Variants in RABGAP1L observed in about 807,000 individuals in gnomAD.
RABGAP1L encodes rab GTPase-activating protein 1-like.
A neutral mutation model predicts 137.7 loss-of-function variants in RABGAP1L; 63 were observed. That is an observed-to-expected ratio of 0.46 (90% CI 0.37 to 0.56). The LOEUF (loss-of-function observed/expected upper bound fraction) is 0.56. Among genes scored for constraint, RABGAP1L ranks in the 20% least tolerant of loss-of-function variants. RABGAP1L has a pLI of 0.00. For synonymous variants in RABGAP1L, 431 were observed against 433.7 expected (o/e 0.99, Z 0.08); for missense variants, 1,095 against 1,244.0 (o/e 0.88, Z 1.80).
rs186151270 is a variant in RABGAP1L, at chr1:174,873,656, G to A, written c.2340+61696G>A. On this transcript the variant is annotated intron_variant, in intron 19 of 25. Transcript: ENST00000681986. Reference sequence around the variant, plus strand: ...CTCCTGAGTAGCTGGGTCTACAGGCGCGCGCCACCACGCCTGGCTAATTTT... The same window carrying A: ...CTCCTGAGTAGCTGGGTCTACAGGCACGCGCCACCACGCCTGGCTAATTTT... Among the ~76,000 whole-genome samples the A allele has an allele frequency of 3.8e-4, 58 of 151,386 alleles. No individual in the cohort carries two copies. The East Asian group carries it at 7.9e-3, about 21-fold the overall frequency.
intron 1 of RABGAP1L, among the ~76,000 whole-genome samples, chr1:174,181,751 G>A (rs1666388227): frequency 1.3e-5 from 2 of 152,180 alleles, no homozygotes; most frequent in Admixed American, 6.6e-5. Flanking sequence ...TGTGAAGAGA[G>A]AGTATGTGTG....
intron 20 of RABGAP1L, chr1:174,957,781 C>G (rs1385631010): frequency 5.9e-6 from 5 of 843,994 alleles, no homozygotes; most frequent in Admixed American, 4.3e-5. Flanking sequence ...TCAATTCCCT[C>G]TGTTCTTCCT....
intron 13 of RABGAP1L, among the ~76,000 whole-genome samples, chr1:174,599,382 T>C (rs1044293244): frequency 6.6e-6 from 1 of 152,248 alleles, no homozygotes; most frequent in African/African-American, 2.4e-5. Context: ...AGACCACTGT[T>C]ACAGTGTTAT....
At chr1:174,662,102 CTTTTT>C (rs749496325) in intron 14 of RABGAP1L, among the ~76,000 whole-genome samples, 2 of 90,272 alleles carry the variant, frequency 2.2e-5, no homozygotes, top group African/African-American at 1.2e-4. Context: ...CTTTTCTTTT[CTTTTT>C]TTTTTTTTTT....
chr1:174,724,560 C>T (rs1681834093), intron 17 of RABGAP1L, among the ~76,000 whole-genome samples: 1 of 152,096 alleles, frequency 6.6e-6, no homozygotes, highest in African/African-American at 2.4e-5. Flanking sequence ...TCTAGAGGAC[C>T]AGAGATATTC....
At chr1:174,970,392 A>G (rs770744140) in intron 21 of RABGAP1L, among the ~76,000 whole-genome samples, 75 of 152,320 alleles carry the variant, frequency 4.9e-4, no homozygotes, top group Non-Finnish European at 9.1e-4. Flanking sequence ...TCTTTTATCC[A>G]TTAATAATTT....
At chr1:174,858,927 G>A (rs769313012) in intron 19 of RABGAP1L, among the ~76,000 whole-genome samples, 1 of 152,198 alleles carries the variant, frequency 6.6e-6, no homozygotes, top group Non-Finnish European at 1.5e-5. Context: ...TGGTGAGGTT[G>A]TTGAGAAAAA....
At chr1:174,517,166 G>A (rs2147829654) in intron 13 of RABGAP1L, among the ~76,000 whole-genome samples, 1 of 152,098 alleles carries the variant, frequency 6.6e-6, no homozygotes, top group Admixed American at 6.5e-5. Flanking sequence ...AAGATTATTA[G>A]CATGAATGAG....
intron 7 of RABGAP1L, among the ~76,000 whole-genome samples, chr1:174,265,745 G>C (rs541389235): frequency 2.6e-5 from 4 of 151,398 alleles, no homozygotes; most frequent in African/African-American, 9.7e-5. Flanking sequence ...TCTTCTTTCT[G>C]TATGTTATTT....
intron 13 of RABGAP1L, among the ~76,000 whole-genome samples, chr1:174,586,084 T>C (rs1013305641): frequency 2.6e-5 from 4 of 152,170 alleles, no homozygotes; most frequent in East Asian, 1.9e-4. Context: ...CGTATGTTCA[T>C]TGCAGCACTA....
rs770439099 is a variant in RABGAP1L at position 174,946,980 on chromosome 1, G to GTGTGTGTGTA, written c.2341-10476_2341-10475insGTGTGTGTAT. ...TGTGTGTGTGTGTGTGTGTGTGTGT[G>GTGTGTGTGTA]TATATATATGTATATATATATGTAT... On this transcript the variant is annotated intron_variant, in intron 19 of 25. Transcript: ENST00000681986. Among the ~76,000 whole-genome samples the GTGTGTGTGTA allele has an allele frequency of 5.8e-3, 455 of 78,190 alleles. 7 individuals carry two copies. Among genetic ancestry groups the GTGTGTGTGTA allele is most frequent in the African/African-American group, 0.01 (187 of 18,416 alleles). The allele number at this position is 78,190 out of a possible 152,430, so 51.3% of individuals were successfully genotyped here. A position where few individuals can be genotyped will look rare whatever the true frequency, so the allele number is the denominator to read the frequency against.
rs1215017772 is a variant in RABGAP1L at position 174,818,471 on chromosome 1, TA to T, written c.2340+6515del. On this transcript the variant is annotated intron_variant, in intron 19 of 25. Transcript: ENST00000681986. ...GTAGTTTCAGTTAAGTTATGACAAA[TA>T]AAAGCCAATGATTCAAGGAATAAAT... Among the ~76,000 whole-genome samples, 12 of 152,256 alleles carry T rather than the reference TA, an allele frequency of 7.9e-5. 1 individual carries two copies. The highest frequency in any genetic ancestry group is 2.9e-4 in the African/African-American group (12 of 41,546).
chr1:174,284,734 C>CTT lies in RABGAP1L; in HGVS notation c.1323+5980_1323+5981dup, dbSNP rs59344382. Among the ~76,000 whole-genome samples, 163 of 42,608 alleles carry CTT rather than the reference C, an allele frequency of 3.8e-3. 17 individuals carry two copies. Among genetic ancestry groups the CTT allele is most frequent in the African/African-American group, 0.014 (142 of 10,232 alleles). The allele number at this position is 42,608 out of a possible 152,430, so 28.0% of individuals were successfully genotyped here. ...CTCACCAACATTTGTTATTTCTTGT[C>CTT]TTTTTTTTTTTTTTTTTTTTTTTTT... On this transcript the variant is annotated intron_variant, in intron 10 of 25. Coordinates refer to ENST00000681986, the MANE Select transcript of RABGAP1L (RefSeq NM_001366446.1).
intron 13 of RABGAP1L, among the ~76,000 whole-genome samples, chr1:174,498,295 G>A (rs1660927685): frequency 6.6e-6 from 1 of 151,936 alleles, no homozygotes; most frequent in African/African-American, 2.4e-5. Flanking sequence ...AACCATACGT[G>A]ATTATGTTTG....
At chr1:174,899,629 C>T (rs532744079) in intron 19 of RABGAP1L, among the ~76,000 whole-genome samples, 1 of 152,248 alleles carries the variant, frequency 6.6e-6, no homozygotes, top group African/African-American at 2.4e-5. Flanking sequence ...CCTCATCCAT[C>T]CTGCTCTCTG....
In RABGAP1L at chr1:174,857,044, A is replaced by G. The variant is rs1299730366; in HGVS notation, c.2340+45084A>G. ...AGTACATCCTTCTTCCCACCCAACC[A>G]AACAACAACATCTCAAGTTAAATCA... On this transcript the variant is annotated intron_variant, in intron 19 of 25. Coordinates refer to ENST00000681986, the MANE Select transcript of RABGAP1L (RefSeq NM_001366446.1). 3.3e-5 allele frequency among the ~76,000 whole-genome samples: 5 copies of G among 152,222 alleles called. No individual in the cohort carries two copies. In the East Asian group the frequency reaches 9.6e-4, roughly 29 times the overall value.
intron 12 of RABGAP1L, among the ~76,000 whole-genome samples, chr1:174,392,073 C>T (rs1647226437): frequency 6.6e-6 from 1 of 152,162 alleles, no homozygotes; most frequent in South Asian, 2.1e-4. Context: ...CTCTACTTGA[C>T]ATATTTTGTG....
At chr1:174,437,889 G>A (rs1653608235) in intron 13 of RABGAP1L, among the ~76,000 whole-genome samples, 1 of 152,206 alleles carries the variant, frequency 6.6e-6, no homozygotes, top group Non-Finnish European at 1.5e-5. Context: ...AACCCTACAA[G>A]CCAGAAGAGA....
At chr1:174,501,961 CTTTCA>C (rs1661318872) in intron 13 of RABGAP1L, among the ~76,000 whole-genome samples, 1 of 150,736 alleles carries the variant, frequency 6.6e-6, no homozygotes, top group Admixed American at 6.6e-5. Context: ...TTACGGGTTT[CTTTCA>C]TTTCTAAAAT....
Sources: allele counts gnomAD v4.1 joint callset (sites outside exome capture counted in the v4.1 genomes callset), GRCh38; gene constraint gnomAD v4.1.1; transcripts MANE v1.5; gene names NCBI Gene and HGNC (gene_info 2026-07-23, HGNC 2026-07-21).